LINGO2: variants seen among roughly 807,000 people sequenced by gnomAD.
The protein encoded by LINGO2 is leucine-rich repeat and immunoglobulin-like domain-containing nogo receptor-interacting protein 2.
In LINGO2, 14 loss-of-function variants were observed where a neutral mutation model predicts 30.6. That is an observed-to-expected ratio of 0.46 (90% CI 0.30 to 0.72). The LOEUF is 0.72. Among genes scored for constraint, LINGO2 ranks in the 30% least tolerant of loss-of-function variants. The pLI is 0.07. For synonymous variants in LINGO2, 317 were observed against 288.5 expected, an observed-to-expected ratio of 1.10 and a Z score of -1.00; for missense variants, 729 against 751.7, an observed-to-expected ratio of 0.97 and a Z score of 0.35.
the LINGO2 span, among the ~76,000 whole-genome samples, chr9:28,701,057 T>C: frequency 1.4e-4 from 22 of 151,962 alleles, no homozygotes; most frequent in Admixed American, 1.4e-3. Context: ...TGGGTAAATG[T>C]CCTTTATCAG....
the LINGO2 span, among the ~76,000 whole-genome samples, chr9:28,873,536 C>A: frequency 6.6e-6 from 1 of 152,058 alleles, no homozygotes; most frequent in Non-Finnish European, 1.5e-5. Flanking sequence ...CTTGGCCAAA[C>A]TTTTCAGGTA....
chr9:28,420,470 A>G (rs547830127), intron 2 of LINGO2, among the ~76,000 whole-genome samples: 2 of 152,194 alleles, frequency 1.3e-5, no homozygotes, highest in Admixed American at 1.3e-4. Context: ...CTGGCTCACT[A>G]TAAAGATTCG....
chr9:28,375,088 T>G (rs1481744930), intron 2 of LINGO2, among the ~76,000 whole-genome samples: 2 of 83,096 alleles, frequency 2.4e-5, no homozygotes, highest in Non-Finnish European at 4.6e-5. Flanking sequence ...ACACACCCCT[T>G]AACACACACA....
chr9:28,040,364 C>A (rs990733740), intron 4 of LINGO2, among the ~76,000 whole-genome samples: 5 of 151,254 alleles, frequency 3.3e-5, no homozygotes, highest in Non-Finnish European at 5.9e-5. Flanking sequence ...AGGTTCCTAG[C>A]AATGGTCCAA....
the LINGO2 span, among the ~76,000 whole-genome samples, chr9:29,126,265 C>T: frequency 6.6e-6 from 1 of 152,008 alleles, no homozygotes; most frequent in African/African-American, 2.4e-5. Flanking sequence ...GTCAGATCCC[C>T]TGATTTAAAT....
At chr9:28,095,166 C>G (rs925670850) in intron 4 of LINGO2, among the ~76,000 whole-genome samples, 1 of 152,020 alleles carries the variant, frequency 6.6e-6, no homozygotes, top group East Asian at 1.9e-4. Context: ...TCCCAAAAAC[C>G]ATTGAAGAAA....
the LINGO2 span, among the ~76,000 whole-genome samples, chr9:29,114,178 A>T: frequency 0.33 from 49,461 of 150,248 alleles, 8,265 homozygotes; most frequent in Admixed American, 0.41. Flanking sequence ...AATAATATAT[A>T]TATTTTTTTT....
chr9:28,869,145 T>A, the LINGO2 span, among the ~76,000 whole-genome samples: 4 of 152,066 alleles, frequency 2.6e-5, no homozygotes, highest in African/African-American at 9.7e-5. Flanking sequence ...TATCCATTCA[T>A]CAAAGATGTT....
chr9:29,208,382 T>C, the LINGO2 span, among the ~76,000 whole-genome samples: 1 of 152,094 alleles, frequency 6.6e-6, no homozygotes, highest in South Asian at 2.1e-4. Flanking sequence ...TGAACTTTTA[T>C]GGCCCATACA....
chr9:28,132,655 A>AT (rs769697553), intron 4 of LINGO2, among the ~76,000 whole-genome samples: 5 of 152,236 alleles, frequency 3.3e-5, no homozygotes, highest in Admixed American at 2.6e-4. Flanking sequence ...AAAGCCCCTT[A>AT]TTTTAATAAA....
the LINGO2 span, among the ~76,000 whole-genome samples, chr9:28,957,727 A>G: frequency 1.3e-5 from 2 of 152,214 alleles, no homozygotes; most frequent in Admixed American, 6.5e-5. Context: ...GGCAATACCT[A>G]GACCATCATA....
the LINGO2 span, among the ~76,000 whole-genome samples, chr9:28,934,696 A>G: frequency 1.2e-5 from 1 of 84,618 alleles, no homozygotes; most frequent in Non-Finnish European, 2.7e-5. Flanking sequence ...AAAAGTTAAA[A>G]CAATAAAACA....
chr9:28,966,341 A>G, the LINGO2 span, among the ~76,000 whole-genome samples: 1 of 152,132 alleles, frequency 6.6e-6, no homozygotes, highest in South Asian at 2.1e-4. Context: ...AATTAGTAGC[A>G]CTATTCTTAT....
At chr9:28,410,599 T>C (rs1248843097) in intron 2 of LINGO2, among the ~76,000 whole-genome samples, 1 of 152,090 alleles carries the variant, frequency 6.6e-6, no homozygotes, top group East Asian at 1.9e-4. Context: ...AGACTGCTGC[T>C]TCGTGACTGC....
the LINGO2 span, among the ~76,000 whole-genome samples, chr9:28,722,200 T>C: frequency 6.6e-6 from 1 of 152,078 alleles, no homozygotes; most frequent in Admixed American, 6.6e-5. Flanking sequence ...AAAGGAAATA[T>C]TGCAAGTTGT....
the LINGO2 span, among the ~76,000 whole-genome samples, chr9:28,795,762 T>C: frequency 6.6e-6 from 1 of 152,190 alleles, no homozygotes; most frequent in South Asian, 2.1e-4. Flanking sequence ...AAAATCTGTA[T>C]TCCTTTTCTC....
At chr9:28,428,435 A>G (rs1438253447) in intron 2 of LINGO2, among the ~76,000 whole-genome samples, 1 of 152,194 alleles carries the variant, frequency 6.6e-6, no homozygotes, top group African/African-American at 2.4e-5. Flanking sequence ...AGATTGTATT[A>G]GACTGTGTTT....
At chr9:28,035,919 C>T (rs1191667965) in intron 4 of LINGO2, among the ~76,000 whole-genome samples, 6 of 145,488 alleles carry the variant, frequency 4.1e-5, no homozygotes, top group African/African-American at 7.5e-5. Flanking sequence ...CACACACATG[C>T]GCTAATATAA....
intron 3 of LINGO2, among the ~76,000 whole-genome samples, chr9:28,330,916 A>AT (rs1825396122): frequency 6.6e-6 from 1 of 152,128 alleles, no homozygotes; most frequent in African/African-American, 2.4e-5. Context: ...AATAAGACAG[A>AT]TTTTCAAGAG....
Sources: gnomAD v4.1 joint callset for allele counts (sites outside exome capture counted in the v4.1 genomes callset) on GRCh38, gnomAD v4.1.1 for gene constraint, MANE v1.5 for transcripts, NCBI Gene and HGNC (gene_info 2026-07-23, HGNC 2026-07-21) for gene names.